The following ANO2 variants were observed in gnomAD, a reference collection of about 807,000 sequenced individuals.
The protein encoded by ANO2 is anoctamin 2, also known as anoctamin-2.
In ANO2, 101 loss-of-function variants were observed where a neutral mutation model predicts 124.2. The observed-to-expected ratio is 0.81, with a 90% CI of 0.69 to 0.96. The LOEUF (loss-of-function observed/expected upper bound fraction) is 0.96. Ranked by LOEUF, ANO2 falls within the 40% of genes least tolerant of loss-of-function variation. The probability of loss-of-function intolerance (pLI) is 0.00; values close to 1 mark genes in which losing one functional copy is unlikely to be tolerated. For missense variants in ANO2, 1,293 were observed against 1,274.5 expected (o/e 1.01, Z -0.22); for synonymous variants, 486 against 482.5 (o/e 1.01, Z -0.09).
At chr12:5,899,649 A>T (rs774697620) in intron 3 of ANO2, among the ~76,000 whole-genome samples, 6 of 152,198 alleles carry the variant, frequency 3.9e-5, no homozygotes, top group Non-Finnish European at 5.9e-5. Context: ...TTCTTAGAAG[A>T]CAGAAACAGC....
chr12:5,882,013 G>T (rs1452620657), intron 3 of ANO2, among the ~76,000 whole-genome samples: 1 of 152,208 alleles, frequency 6.6e-6, no homozygotes, highest in Non-Finnish European at 1.5e-5. Flanking sequence ...GCTAGAGAAG[G>T]CAAAGAAAGA....
chr12:5,872,054 T>G (rs1565738410), intron 3 of ANO2, among the ~76,000 whole-genome samples: 1 of 152,190 alleles, frequency 6.6e-6, no homozygotes, highest in Non-Finnish European at 1.5e-5. Flanking sequence ...AGAGAAGCAG[T>G]CCAGAAACTA....
At position 5,820,727 on chromosome 12, in the gene ANO2, A is replaced by G. The variant is rs572233569; in HGVS notation, c.892+7042T>C. Among the ~76,000 whole-genome samples, 8 of 152,350 alleles carry G rather than the reference A, an allele frequency of 5.3e-5. No individual in the cohort carries two copies. In the East Asian group the frequency reaches 1.5e-3, roughly 29 times the overall value. The stretch of plus-strand genomic sequence containing the variant: ...ACACAGGGGTGGTGATTCCCACCAC[A>G]TCCCTCTTCAACTCTCCCATTTGGC... On this transcript the variant is annotated intron_variant, in intron 7 of 24. Coordinates refer to ENST00000682330, the MANE Select transcript of ANO2 (RefSeq NM_001364791.2).
At chr12:5,834,877 A>C (rs1289169098) in intron 4 of ANO2, among the ~76,000 whole-genome samples, 2 of 152,212 alleles carry the variant, frequency 1.3e-5, no homozygotes, top group Non-Finnish European at 2.9e-5. Flanking sequence ...GTTCCTTCCT[A>C]AGCAACTGTG....
chr12:5,690,284 C>T (rs533167112), intron 14 of ANO2, among the ~76,000 whole-genome samples: 1 of 152,268 alleles, frequency 6.6e-6, no homozygotes, highest in Non-Finnish European at 1.5e-5. Flanking sequence ...TGAAATTTCC[C>T]TCCTCTGAGC....
At chr12:5,711,417 C>T (rs572016132) in intron 14 of ANO2, among the ~76,000 whole-genome samples, 7 of 152,294 alleles carry the variant, frequency 4.6e-5, no homozygotes, top group Middle Eastern at 3.4e-3. Context: ...GCCTCCCCAG[C>T]GGCCAAGCAG....
At chr12:5,610,819 TACAC>T (rs766401385) in intron 19 of ANO2, among the ~76,000 whole-genome samples, 18,037 of 110,734 alleles carry the variant, frequency 0.16, 1,420 homozygotes, top group Middle Eastern at 0.24. Context: ...GAGTTGTCCA[TACAC>T]ACACACACAC....
chr12:5,798,075 C>A (rs1185125376), intron 10 of ANO2, among the ~76,000 whole-genome samples: 3 of 151,920 alleles, frequency 2.0e-5, no homozygotes. Context: ...TTAAAAAAAA[C>A]AAAAACAAAT....
intron 10 of ANO2, among the ~76,000 whole-genome samples, chr12:5,780,713 C>G (rs1429102498): frequency 1.3e-5 from 2 of 152,146 alleles, no homozygotes; most frequent in South Asian, 2.1e-4. Flanking sequence ...AACACACCAG[C>G]TGGGAAACTC....
chr12:5,627,350 A>G (rs1474583337), intron 16 of ANO2, among the ~76,000 whole-genome samples: 1 of 152,110 alleles, frequency 6.6e-6, no homozygotes, highest in African/African-American at 2.4e-5. Context: ...CCTGGTGCAA[A>G]GCAGGAAGAG....
chr12:5,633,876 C>T (rs1007310285), intron 16 of ANO2, among the ~76,000 whole-genome samples: 2 of 152,122 alleles, frequency 1.3e-5, no homozygotes, highest in Non-Finnish European at 2.9e-5. Context: ...CACTTGGTTT[C>T]CTTTGCCAGG....
At chr12:5,671,898 A>C (rs888932344) in intron 14 of ANO2, among the ~76,000 whole-genome samples, 3 of 152,136 alleles carry the variant, frequency 2.0e-5, no homozygotes, top group African/African-American at 7.2e-5. Flanking sequence ...GCAGCAACAC[A>C]TTGCTTGGCC....
rs1023150680 is a variant in ANO2 at position 5,675,726 on chromosome 12, T to C, written c.1546-27925A>G. On this transcript the variant is annotated intron_variant, in intron 14 of 24. Transcript: ENST00000682330. ...GTGCTTCCAAGACCCAGCTCTGTCA[T>C]TACTTGCTATAGGAATGTTCTCCTT... is the stretch of plus-strand genomic sequence containing the variant. Among the ~76,000 whole-genome samples the C allele has an allele frequency of 1.4e-4, 21 of 152,196 alleles. 1 individual carries two copies. Among genetic ancestry groups the C allele is most frequent in the African/African-American group, 5.1e-4 (21 of 41,458 alleles).
At chr12:5,750,716 A>C (rs1348976289) in intron 11 of ANO2, 120 bp downstream of exon 11, 3 of 1,055,342 alleles carry the variant, frequency 2.8e-6, no homozygotes, top group Non-Finnish European at 4.0e-6. Context: ...TGTCATAGCG[A>C]AGGAGAATGA....
chr12:5,623,138 C>G (rs537234708), intron 16 of ANO2, among the ~76,000 whole-genome samples: 1 of 152,136 alleles, frequency 6.6e-6, no homozygotes, highest in South Asian at 2.1e-4. Context: ...CTGGAGGGGT[C>G]TGAATCTCAA....
intron 15 of ANO2, among the ~76,000 whole-genome samples, chr12:5,639,998 C>A (rs981862048): frequency 6.6e-6 from 1 of 152,050 alleles, no homozygotes; most frequent in African/African-American, 2.4e-5. Flanking sequence ...AGGGACATCG[C>A]CTCCGACAAT....
intron 7 of ANO2, among the ~76,000 whole-genome samples, chr12:5,812,192 A>G (rs1411277805): frequency 7.3e-6 from 1 of 136,388 alleles, no homozygotes; most frequent in African/African-American, 2.8e-5. Context: ...AGAGAAGGGG[A>G]AGGGAGGGAA....
intron 3 of ANO2, among the ~76,000 whole-genome samples, chr12:5,859,476 G>C (rs912971100): frequency 6.6e-6 from 1 of 152,064 alleles, no homozygotes; most frequent in Admixed American, 6.5e-5. Context: ...TGTGAGTACT[G>C]TGGCCAAAGG....
At chr12:5,701,445 A>G (rs1171971041) in intron 14 of ANO2, among the ~76,000 whole-genome samples, 1 of 152,136 alleles carries the variant, frequency 6.6e-6, no homozygotes, top group Non-Finnish European at 1.5e-5. Flanking sequence ...CCTGGACCTA[A>G]TAAGTTTAGA....
Sources: gnomAD v4.1 joint callset for allele counts (sites outside exome capture counted in the v4.1 genomes callset) on GRCh38, gnomAD v4.1.1 for gene constraint, MANE v1.5 for transcripts, NCBI Gene and HGNC (gene_info 2026-07-23, HGNC 2026-07-21) for gene names.